Variants in USP13 observed in about 807,000 individuals in gnomAD.
USP13 encodes ubiquitin specific peptidase 13.
In USP13, 68 loss-of-function variants were observed where a neutral mutation model predicts 107.8. That is an observed-to-expected ratio of 0.63 (90% CI 0.52 to 0.77). The LOEUF (loss-of-function observed/expected upper bound fraction) is 0.77. Ranked by LOEUF, USP13 falls within the 30% of genes least tolerant of loss-of-function variation. The pLI is 0.00. For synonymous variants in USP13, 377 were observed against 389.5 expected (o/e 0.97, Z 0.38); for missense variants, 945 against 1,093.3 (o/e 0.86, Z 1.91).
At chr3:179,673,909 T>G (rs535723738) in intron 1 of USP13, among the ~76,000 whole-genome samples, 3 of 152,340 alleles carry the variant, frequency 2.0e-5, no homozygotes, top group African/African-American at 7.2e-5. Context: ...GTTTTTTTCT[T>G]GAGACGGAGT....
At chr3:179,688,897 A>G (rs1711993062) in intron 2 of USP13, among the ~76,000 whole-genome samples, 1 of 152,242 alleles carries the variant, frequency 6.6e-6, no homozygotes, top group Non-Finnish European at 1.5e-5. Context: ...ACTCTAAGAG[A>G]GGAGATGTGC....
At chr3:179,777,859 A>G (rs73885945) in intron 19 of USP13, among the ~76,000 whole-genome samples, 4,035 of 152,260 alleles carry the variant, frequency 0.027, 173 homozygotes, top group African/African-American at 0.093. Context: ...AATTAATCCA[A>G]AAGGGCTTAA....
At position 179,757,078 on chromosome 3, in the gene USP13, C is replaced by G. The variant is rs566223778; in HGVS notation, c.1948C>G (p.Pro650Ala). 6.2e-7 allele frequency: 1 copy of G among 1,613,682 alleles called. No homozygotes were observed. The highest frequency in any genetic ancestry group is 1.7e-5 in the Admixed American group (1 of 59,998). ...KDRLMNQLID[P>A]SDIDESSVMQ... ...TCGCCTGATGAACCAATTGATAGACCGTATGTATCTTTAAAAATGTTTCTC... is the reference window on the plus strand; with the variant it reads ...TCGCCTGATGAACCAATTGATAGACGGTATGTATCTTTAAAAATGTTTCTC... Residue 650 changes from proline to alanine, a missense_variant and splice_region_variant, in exon 16 of 21, where the codon CCA becomes GCA. By Grantham distance (27) the Pro-to-Ala change is conservative. Transcript: ENST00000263966.
At chr3:179,715,094 C>G (rs968996669) in intron 6 of USP13, among the ~76,000 whole-genome samples, 5 of 151,904 alleles carry the variant, frequency 3.3e-5, no homozygotes, top group African/African-American at 1.2e-4. Context: ...GTTGCCCAGG[C>G]TGGCCTTGAA....
intron 3 of USP13, among the ~76,000 whole-genome samples, chr3:179,694,799 C>CAAAAAAAA (rs576517737): frequency 2.7e-4 from 22 of 82,046 alleles, no homozygotes; most frequent in East Asian, 7.9e-4. Context: ...AACTCCATCT[C>CAAAAAAAA]AAAAAAAAAA....
At chr3:179,768,895 C>A (rs1011003262) in intron 19 of USP13, among the ~76,000 whole-genome samples, 1 of 152,084 alleles carries the variant, frequency 6.6e-6, no homozygotes, top group Non-Finnish European at 1.5e-5. Context: ...TGAGTTGTTG[C>A]TTTCTTTTTC....
rs199612648 is a variant in USP13 at position 179,720,011 on chromosome 3, A to G, written c.877A>G (p.Ile293Val). The part of the protein sequence containing the change: ...HLAKHLAHFG[I>V]DMLHMHGTEN... The stretch of plus-strand genomic sequence containing the variant: ...GGCCAAGCACTTAGCGCATTTTGGA[A>G]TTGATATGCTTCATATGCATGGGGT... Residue 293 changes from isoleucine to valine, a missense_variant, in exon 7 of 21, where the codon ATT becomes GTT. Physicochemically the swap from Ile to Val is conservative, Grantham distance 29. Coordinates refer to ENST00000263966, the MANE Select transcript of USP13 (RefSeq NM_003940.3). 22 of 1,614,026 alleles carry G rather than the reference A, an allele frequency of 1.4e-5. No homozygotes were observed. The African/African-American group carries it at 1.9e-4, about 14-fold the overall frequency.
At position 179,667,573 on chromosome 3, in the gene USP13, G is replaced by C. The variant is rs1055560631; in HGVS notation, c.168+14180G>C. On this transcript the variant is annotated intron_variant, in intron 1 of 20. Transcript: ENST00000263966. ...TGTCCTGAAACTGTTGTAGTAGCTGGACCTCGTGCCCTGCCCCTGGCCTTC... is the reference window on the plus strand; with the variant it reads ...TGTCCTGAAACTGTTGTAGTAGCTGCACCTCGTGCCCTGCCCCTGGCCTTC... Among the ~76,000 whole-genome samples the C allele has an allele frequency of 1.6e-4, 24 of 152,170 alleles. 1 individual carries two copies. Among genetic ancestry groups the C allele is most frequent in the Admixed American group, 8.5e-4 (13 of 15,272 alleles).
intron 8 of USP13, among the ~76,000 whole-genome samples, chr3:179,728,346 G>A (rs1248891436): frequency 1.3e-5 from 2 of 148,620 alleles, no homozygotes; most frequent in East Asian, 2.1e-4. Flanking sequence ...CCCGGACGGG[G>A]CGGCAGGGCA....
At chr3:179,702,747 C>T (rs1163910147) in intron 4 of USP13, among the ~76,000 whole-genome samples, 4 of 152,124 alleles carry the variant, frequency 2.6e-5, no homozygotes, top group Admixed American at 2.6e-4. Context: ...TCTCCAATTC[C>T]ATGTTGACTC....
intron 1 of USP13, among the ~76,000 whole-genome samples, chr3:179,669,320 C>T (rs1355152956): frequency 3.3e-5 from 5 of 152,056 alleles, no homozygotes; most frequent in African/African-American, 1.2e-4. Flanking sequence ...AATTAGCCAG[C>T]ATGGCGGCAC....
At chr3:179,768,738 A>G (rs1295345774) in intron 19 of USP13, among the ~76,000 whole-genome samples, 2 of 152,228 alleles carry the variant, frequency 1.3e-5, no homozygotes, top group Admixed American at 6.5e-5. Context: ...GCCAGGAGGT[A>G]ATAGACTTTG....
chr3:179,688,422 A>G (rs190556929), intron 2 of USP13, among the ~76,000 whole-genome samples: 26 of 152,206 alleles, frequency 1.7e-4, no homozygotes, highest in African/African-American at 5.5e-4. Flanking sequence ...ATGCTCCCCT[A>G]CTATGCTGGC....
chr3:179,682,146 C>A, intron 2 of USP13, 143 bp downstream of exon 2: 2 of 1,056,588 alleles, frequency 1.9e-6, no homozygotes, highest in Non-Finnish European at 2.6e-6. Flanking sequence ...GCACTGCTTG[C>A]AAAATCCAGA....
rs1221985619 is a variant in USP13, at chr3:179,728,717, C to T, written c.1089-1472C>T. Among the ~76,000 whole-genome samples the T allele has an allele frequency of 5.3e-5, 8 of 152,300 alleles. No homozygotes were observed. The East Asian group carries it at 7.7e-4, about 15-fold the overall frequency. Reference sequence around the variant, plus strand: ...ATTGAGCACTGAGTGAAGGAGACTCCGTCTGCAATCCCGGCACCTCGGGAG... The same window carrying T: ...ATTGAGCACTGAGTGAAGGAGACTCTGTCTGCAATCCCGGCACCTCGGGAG... On this transcript the variant is annotated intron_variant, in intron 8 of 20. Transcript: ENST00000263966.
chr3:179,663,360 C>A (rs1237589761), intron 1 of USP13, among the ~76,000 whole-genome samples: 1 of 152,044 alleles, frequency 6.6e-6, no homozygotes, highest in Non-Finnish European at 1.5e-5. Flanking sequence ...GTGTATATAC[C>A]GCATCTTGTT....
rs1711531066 is a variant in USP13, at chr3:179,678,076, A to G, written c.169-3802A>G. On this transcript the variant is annotated intron_variant, in intron 1 of 20. Coordinates refer to ENST00000263966, the MANE Select transcript of USP13 (RefSeq NM_003940.3). The surrounding 1 kb of genome is among the most constrained non-coding windows in gnomAD (Gnocchi z 4.2). ...GGAGAACACTGGAGCTCAGAGCCCTATATGGCAGCCTGCCTTAGGCCAGAG... is the reference window on the plus strand; with the variant it reads ...GGAGAACACTGGAGCTCAGAGCCCTGTATGGCAGCCTGCCTTAGGCCAGAG... Among the ~76,000 whole-genome samples the G allele has an allele frequency of 6.6e-6, 1 of 152,184 alleles. No homozygotes were observed. Among genetic ancestry groups the G allele is most frequent in the Admixed American group, 6.5e-5 (1 of 15,268 alleles).
intron 13 of USP13, among the ~76,000 whole-genome samples, chr3:179,746,575 G>T (rs1447846929): frequency 6.6e-6 from 1 of 152,144 alleles, no homozygotes; most frequent in African/African-American, 2.4e-5. Context: ...TGGGATTACA[G>T]GCCTGTGCCA....
Position 179,653,528 on chromosome 3 carries a change from GT to G in USP13, c.168+137del, listed in dbSNP as rs1479465599. On this transcript the variant is annotated intron_variant, in intron 1 of 20. Coordinates refer to ENST00000263966, the MANE Select transcript of USP13 (RefSeq NM_003940.3). The surrounding 1 kb of genome is among the most constrained non-coding windows in gnomAD (Gnocchi z 4.0). ...GCAGAGTTGGCTCAGGAACACTGCA[GT>G]TCGGCAGACACTTAGTGAGCGCCCC... The G allele has an allele frequency of 1.3e-4, 159 of 1,263,948 alleles. No homozygotes were observed. Among genetic ancestry groups the G allele is most frequent in the Non-Finnish European group, 1.6e-4 (146 of 927,554 alleles). The allele number at this position is 1,263,948 out of a possible 1,614,324, so 78.3% of individuals were successfully genotyped here. A position where few individuals can be genotyped will look rare whatever the true frequency, so the allele number is the denominator to read the frequency against.
Sources: allele counts gnomAD v4.1 joint callset (sites outside exome capture counted in the v4.1 genomes callset), GRCh38; gene constraint gnomAD v4.1.1; non-coding constraint Gnocchi (gnomAD v3.1); transcripts MANE v1.5; gene names NCBI Gene and HGNC (gene_info 2026-07-23, HGNC 2026-07-21).